ANXA5: variants seen among roughly 807,000 people sequenced by gnomAD.
ANXA5 encodes the protein annexin A5.
Under a neutral mutation model 48.1 loss-of-function variants are expected in ANXA5, and 40 were observed. The observed-to-expected ratio is 0.83, with a 90% CI of 0.65 to 1.08. The LOEUF is 1.08. ANXA5 is among the 50% of genes least tolerant of loss of function. ANXA5 has a pLI of 0.00. For synonymous variants in ANXA5, 113 were observed against 129.1 expected (o/e 0.88, Z 0.85); for missense variants, 357 against 376.8 (o/e 0.95, Z 0.44).
intron 8 of ANXA5, among the ~76,000 whole-genome samples, chr4:121,676,119 C>T (rs1724694313): frequency 6.6e-6 from 1 of 152,158 alleles, no homozygotes; most frequent in South Asian, 2.1e-4. Flanking sequence ...TCAGCACTAT[C>T]TCCTAGCAAA....
At chr4:121,694,093 T>G (rs1725032512) in intron 2 of ANXA5, among the ~76,000 whole-genome samples, 1 of 68,592 alleles carries the variant, frequency 1.5e-5, no homozygotes, top group Admixed American at 1.5e-4. Context: ...CACCGGGGCC[T>G]ATTGTGGGCG....
At chr4:121,681,536 G>A (rs1263589998) in intron 6 of ANXA5, 135 bp downstream of exon 6, 1 of 578,336 alleles carries the variant, frequency 1.7e-6, no homozygotes, top group Non-Finnish European at 3.1e-6. Context: ...TTGAATTGCA[G>A]GTCATTCATT....
At chr4:121,669,752 C>T (rs773461897) in intron 11 of ANXA5, 28 bp from the exon 12 acceptor site, 1 of 1,573,132 alleles carries the variant, frequency 6.4e-7, no homozygotes, top group South Asian at 1.2e-5. Flanking sequence ...AAGAGAGAAG[C>T]AAAATGCTTA....
intron 5 of ANXA5, among the ~76,000 whole-genome samples, chr4:121,682,903 T>C (rs905686121): frequency 2.0e-5 from 3 of 152,138 alleles, no homozygotes; most frequent in African/African-American, 7.2e-5. Context: ...TACTTCATTT[T>C]AGTGTTTAGA....
At chr4:121,692,261 A>G (rs1248511194) in intron 2 of ANXA5, among the ~76,000 whole-genome samples, 1 of 152,226 alleles carries the variant, frequency 6.6e-6, no homozygotes, top group Non-Finnish European at 1.5e-5. Flanking sequence ...TTTGATAACA[A>G]AGTGAAGATT....
intron 2 of ANXA5, among the ~76,000 whole-genome samples, chr4:121,694,252 A>T (rs1725039776): frequency 6.9e-6 from 1 of 144,596 alleles, no homozygotes; most frequent in African/African-American, 2.6e-5. Context: ...GTATAATAAA[A>T]ATATATATAT....
intron 2 of ANXA5, 32 bp from the exon 3 acceptor site, chr4:121,686,404 A>G: frequency 6.9e-7 from 1 of 1,458,612 alleles, no homozygotes; most frequent in Non-Finnish European, 9.6e-7. Flanking sequence ...TATTATTCAT[A>G]TCATGACTAA....
rs1182524442 is a variant in ANXA5, at chr4:121,669,295, A to G, written c.903+307T>C. 1.7e-5 allele frequency: 4 copies of G among 236,416 alleles called. No homozygotes were observed. In the East Asian group the frequency reaches 2.8e-4, roughly 17 times the overall value. The allele number at this position is 236,416 out of a possible 1,614,324, so 14.6% of individuals were successfully genotyped here. On this transcript the variant is annotated intron_variant, in intron 12 of 12. Transcript: ENST00000296511. ...CTAATAAAGACAGCTGGAATTGATA[A>G]AAGACAGAAAGAACACATTATTATC...
At chr4:121,676,515 T>C (rs1724700582) in intron 8 of ANXA5, among the ~76,000 whole-genome samples, 1 of 152,164 alleles carries the variant, frequency 6.6e-6, no homozygotes, top group South Asian at 2.1e-4. Context: ...CCCTTTCTGG[T>C]AGAGTTATGT....
chr4:121,670,058 A>G (rs750217568), intron 10 of ANXA5, 46 bp from the exon 11 acceptor site: 1 of 1,384,384 alleles, frequency 7.2e-7, no homozygotes, highest in Non-Finnish European at 1.0e-6. Flanking sequence ...TTTGATATGT[A>G]AAGGATTAAG....
chr4:121,671,226 G>A (rs1578439366), intron 10 of ANXA5, among the ~76,000 whole-genome samples: 1 of 152,160 alleles, frequency 6.6e-6, no homozygotes, highest in Non-Finnish European at 1.5e-5. Flanking sequence ...ACAGGTATCA[G>A]AAATAATGTT....
rs757511106 is a variant in ANXA5, at chr4:121,686,357, C to T, written c.25G>A (p.Val9Met). 12 of 1,613,962 alleles carry T rather than the reference C, an allele frequency of 7.4e-6. No homozygotes were observed. The South Asian group carries it at 1.2e-4, about 16-fold the overall frequency. The part of the protein sequence containing the change: MAQVLRGT[V>M]TDFPGFDERA... The stretch of plus-strand genomic sequence containing the variant: ...TCATCAAATCCAGGGAAGTCAGTCA[C>T]AGTGCCTCTGAGAACCTAATTCACG... The change falls in exon 3 of 13, where the codon GTG becomes ATG. Residue 9 changes from valine to methionine, a missense_variant. Coordinates refer to ENST00000296511, the MANE Select transcript of ANXA5 (RefSeq NM_001154.4).
chr4:121,684,129 G>A (rs1185928459), intron 4 of ANXA5, among the ~76,000 whole-genome samples: 4 of 152,054 alleles, frequency 2.6e-5, no homozygotes, highest in East Asian at 3.9e-4. Context: ...AGTGACATAC[G>A]TTTTCAGAAT....
intron 2 of ANXA5, among the ~76,000 whole-genome samples, chr4:121,691,311 G>C (rs1050867661): frequency 2.7e-5 from 2 of 74,936 alleles, no homozygotes; most frequent in Non-Finnish European, 5.5e-5. Context: ...TTACCCGCAA[G>C]GACTAGGTAT....
intron 8 of ANXA5, among the ~76,000 whole-genome samples, chr4:121,676,797 G>C (rs1724706115): frequency 6.6e-6 from 1 of 152,110 alleles, no homozygotes; most frequent in Non-Finnish European, 1.5e-5. Context: ...AGGGCAGAGA[G>C]AGCATGTGAG....
At chr4:121,686,435 A>G in intron 2 of ANXA5, 63 bp from the exon 3 acceptor site, 2 of 1,234,732 alleles carry the variant, frequency 1.6e-6, no homozygotes, top group Non-Finnish European at 2.4e-6. Flanking sequence ...TAAATAACAC[A>G]AACAGGAAGC....
At chr4:121,675,405 A>T (rs1724681412) in intron 8 of ANXA5, among the ~76,000 whole-genome samples, 1 of 152,250 alleles carries the variant, frequency 6.6e-6, no homozygotes, top group Admixed American at 6.5e-5. Flanking sequence ...TAGTGATAAC[A>T]GTCCAGCTGC....
chr4:121,696,439 C>T (rs1725083384), intron 2 of ANXA5, 142 bp downstream of exon 2: 3 of 784,198 alleles, frequency 3.8e-6, no homozygotes, highest in Non-Finnish European at 5.3e-6. Flanking sequence ...AAAGGGGGAA[C>T]AAGAAAAGTG....
chr4:121,676,452 G>C (rs1026850348), intron 8 of ANXA5, among the ~76,000 whole-genome samples: 1 of 152,160 alleles, frequency 6.6e-6, no homozygotes, highest in African/African-American at 2.4e-5. Context: ...CAACTCCACT[G>C]CTATTCAGTG....
Sources: gnomAD v4.1 joint callset for allele counts (sites outside exome capture counted in the v4.1 genomes callset) on GRCh38, gnomAD v4.1.1 for gene constraint, MANE v1.5 for transcripts, NCBI Gene and HGNC (gene_info 2026-07-23, HGNC 2026-07-21) for gene names.